Variants in TNFRSF21 observed in about 807,000 individuals in gnomAD.
TNFRSF21 encodes the protein tumor necrosis factor receptor superfamily member 21.
Under a neutral mutation model 45.6 loss-of-function variants are expected in TNFRSF21, and 19 were observed. The ratio of observed to expected loss-of-function variants is 0.42; its 90% CI spans 0.29 to 0.61. The LOEUF is 0.61. TNFRSF21 is among the 20% of genes least tolerant of loss of function. The pLI, the probability that TNFRSF21 is intolerant of heterozygous loss-of-function variation, is 0.23. For synonymous variants in TNFRSF21, 314 were observed against 335.5 expected (o/e 0.94, Z 0.70); for missense variants, 737 against 851.5 (o/e 0.87, Z 1.67).
In TNFRSF21 at chr6:47,253,298, A is replaced by T. The variant is rs1191226346; in HGVS notation, c.1467T>A (p.Asp489Glu). 2.5e-6 allele frequency: 4 copies of T among 1,613,590 alleles called. No individual in the cohort carries two copies. Among genetic ancestry groups the T allele is most frequent in the Non-Finnish European group, 3.4e-6 (4 of 1,179,870 alleles). The part of the protein sequence containing the change: ...ISALRQHRRN[D>E]VVEKIRGLME... ...TCAGCCCACGAATCTTCTCCACAAC[A>T]TCGTTTCTCCGGTGCTGGCGCAGGG... Residue 489 changes from aspartate to glutamate, a missense_variant, in exon 4 of 6, where the codon GAT (aspartate) becomes GAA (glutamate). Transcript: ENST00000296861.
intron 2 of TNFRSF21, 133 bp downstream of exon 2, chr6:47,285,811 A>C: frequency 2.0e-6 from 2 of 991,600 alleles, no homozygotes; most frequent in Non-Finnish European, 2.9e-6. Context: ...TAGCCACCAT[A>C]TGAAGGCCTC....
At chr6:47,253,614 G>T in intron 3 of TNFRSF21, 93 bp from the exon 4 acceptor site, 1 of 1,438,402 alleles carries the variant, frequency 7.0e-7, no homozygotes, top group Non-Finnish European at 9.4e-7. Flanking sequence ...ACTAGAAGAG[G>T]CACGCTTTCC....
rs16875814 is a variant in TNFRSF21, at chr6:47,248,636, C to T, written c.1509+4620G>A. ...GCCAGCCTAGGAACATGTGCTCAGG[C>T]AGTAAGCAACACATAGCTACAGTTA... is the stretch of plus-strand genomic sequence containing the variant. On this transcript the variant is annotated intron_variant, in intron 4 of 5. Transcript: ENST00000296861. 2.7e-3 allele frequency among the ~76,000 whole-genome samples: 412 copies of T among 152,326 alleles called. 6 individuals are homozygous for T. Among genetic ancestry groups the T allele is most frequent in the African/African-American group, 9.7e-3 (405 of 41,586 alleles).
intron 4 of TNFRSF21, among the ~76,000 whole-genome samples, chr6:47,241,177 T>C (rs1764738431): frequency 6.6e-6 from 1 of 152,188 alleles, no homozygotes; most frequent in Non-Finnish European, 1.5e-5. Context: ...TAATAAGAAA[T>C]GCTTTCTTAT....
chr6:47,279,787 G>T (rs190091371), intron 3 of TNFRSF21, among the ~76,000 whole-genome samples: 17 of 152,158 alleles, frequency 1.1e-4, no homozygotes, highest in African/African-American at 4.1e-4. Context: ...ACATTCTGAA[G>T]ATACTTCCAA....
intron 4 of TNFRSF21, among the ~76,000 whole-genome samples, chr6:47,241,435 C>G (rs1237080704): frequency 6.6e-6 from 1 of 151,954 alleles, no homozygotes; most frequent in Non-Finnish European, 1.5e-5. Context: ...TTGTTCAATT[C>G]AATCCAGAGT....
intron 4 of TNFRSF21, among the ~76,000 whole-genome samples, chr6:47,245,361 C>T (rs1188579747): frequency 1.3e-5 from 2 of 151,854 alleles, no homozygotes; most frequent in Non-Finnish European, 2.9e-5. Flanking sequence ...AATGGGTGCT[C>T]TGATAATCTA....
Position 47,309,717 on chromosome 6 carries a change from G to T in TNFRSF21, c.-206C>A. 1.5e-6 allele frequency: 1 copy of T among 650,288 alleles called. No homozygotes were observed. The highest frequency in any genetic ancestry group is 2.2e-6 in the Non-Finnish European group (1 of 452,696). 40.3% of individuals were successfully genotyped at this position (650,288 alleles called of 1,614,324 possible). A position where few individuals can be genotyped will look rare whatever the true frequency, so the allele number is the denominator to read the frequency against. Reference sequence around the variant, plus strand: ...GCGCTCAGCACCTGCCCAGCGGCGCGGCCGCCCAGGCGGGGAGAAGCCGCC... The same window carrying T: ...GCGCTCAGCACCTGCCCAGCGGCGCTGCCGCCCAGGCGGGGAGAAGCCGCC... On this transcript the variant is annotated 5_prime_UTR_variant, in exon 1 of 6. Transcript: ENST00000296861.
intron 1 of TNFRSF21, among the ~76,000 whole-genome samples, chr6:47,306,405 C>G (rs1396778066): frequency 3.9e-5 from 6 of 152,186 alleles, no homozygotes; most frequent in Admixed American, 2.6e-4. Flanking sequence ...AGGACATGAG[C>G]TGAAGAGCCA....
At position 47,253,672 on chromosome 6, in the gene TNFRSF21, A is replaced by T. The variant is rs1561941011; in HGVS notation, c.1244-151T>A. The T allele has an allele frequency of 2.5e-5, 22 of 871,138 alleles. No individual in the cohort carries two copies. In the South Asian group the frequency reaches 3.4e-4, roughly 14 times the overall value. 54.0% of individuals were successfully genotyped at this position (871,138 alleles called of 1,614,324 possible). A position where few individuals can be genotyped will look rare whatever the true frequency, so the allele number is the denominator to read the frequency against. ...GCATTGCCTCCCTTAAGCACTTGGC[A>T]CAAGCAGCTCATCTTGTGGACTAGC... On this transcript the variant is annotated intron_variant, in intron 3 of 5. Coordinates refer to ENST00000296861, the MANE Select transcript of TNFRSF21 (RefSeq NM_014452.5).
chr6:47,292,345 C>T (rs1205581619), intron 1 of TNFRSF21, among the ~76,000 whole-genome samples: 1 of 151,784 alleles, frequency 6.6e-6, no homozygotes, highest in African/African-American at 2.4e-5. Flanking sequence ...CCTCGGGTCT[C>T]AAAGGCAGCA....
At chr6:47,301,181 C>T (rs1177774886) in intron 1 of TNFRSF21, among the ~76,000 whole-genome samples, 2 of 152,216 alleles carry the variant, frequency 1.3e-5, no homozygotes, top group Non-Finnish European at 2.9e-5. Context: ...TACCCTCTAA[C>T]TTGACTAGAA....
Position 47,283,963 on chromosome 6 carries a change from TTTCTCCCGGTTCTGGG to T in TNFRSF21, c.1202_1217del (p.Thr401AsnfsTer14). 1 of 1,613,966 alleles carries T rather than the reference TTTCTCCCGGTTCTGGG, an allele frequency of 6.2e-7. No homozygotes were observed. Among genetic ancestry groups the T allele is most frequent in the Non-Finnish European group, 8.5e-7 (1 of 1,179,998 alleles). On this transcript the variant is annotated frameshift_variant, in exon 3 of 6. Transcript: ENST00000296861. LOFTEE classifies it high-confidence loss of function. Reference sequence around the variant, plus strand: ...CATGGCCATTGCAGTAGTAGATCCATTTCTCCCGGTTCTGGGTTGGAGTCATGGATTTCTTCAGCCC... The same window carrying T: ...CATGGCCATTGCAGTAGTAGATCCATTTGGAGTCATGGATTTCTTCAGCCC...
chr6:47,284,487 C>T (rs1762619465), intron 2 of TNFRSF21, 55 bp from the exon 3 acceptor site: 2 of 1,477,904 alleles, frequency 1.4e-6, no homozygotes, highest in Admixed American at 2.5e-5. Context: ...GGGATCTATA[C>T]ATTCCCTCCT....
chr6:47,249,826 T>G (rs531779983), intron 4 of TNFRSF21, among the ~76,000 whole-genome samples: 41 of 152,250 alleles, frequency 2.7e-4, no homozygotes, highest in African/African-American at 9.9e-4. Flanking sequence ...TGTAATCCCT[T>G]GGGTATCCCT....
chr6:47,284,602 C>T (rs1762621010), intron 2 of TNFRSF21, among the ~76,000 whole-genome samples, 170 bp from the exon 3 acceptor site: 1 of 152,152 alleles, frequency 6.6e-6, no homozygotes, highest in South Asian at 2.1e-4. Context: ...CTAATGGCAC[C>T]TTCATGTGGA....
chr6:47,292,133 A>C (rs1762737668), intron 1 of TNFRSF21, among the ~76,000 whole-genome samples: 1 of 152,186 alleles, frequency 6.6e-6, no homozygotes, highest in South Asian at 2.1e-4. Context: ...GGCATTTAAG[A>C]ATAGTTTCTG....
At chr6:47,285,909 C>T (rs1271183484) in intron 2 of TNFRSF21, 35 bp downstream of exon 2, 2 of 1,600,794 alleles carry the variant, frequency 1.2e-6, no homozygotes, top group Non-Finnish European at 1.7e-6. Flanking sequence ...GGCTCAAAGC[C>T]TTCCTCAAAT....
At chr6:47,268,957 A>G (rs760327703) in intron 3 of TNFRSF21, among the ~76,000 whole-genome samples, 1 of 152,202 alleles carries the variant, frequency 6.6e-6, no homozygotes, top group African/African-American at 2.4e-5. Flanking sequence ...ATTGTTTACA[A>G]ACCAGAATGT....
Sources: allele counts gnomAD v4.1 joint callset (sites outside exome capture counted in the v4.1 genomes callset), GRCh38; gene constraint gnomAD v4.1.1; transcripts MANE v1.5; gene names NCBI Gene and HGNC (gene_info 2026-07-23, HGNC 2026-07-21).